EPHA5: variants seen among roughly 807,000 people sequenced by gnomAD.
EPHA5 encodes EPH receptor A5, also known as ephrin type-A receptor 5.
A neutral mutation model predicts 105.0 loss-of-function variants in EPHA5; 60 were observed. The observed-to-expected ratio is 0.57, with a 90% CI of 0.46 to 0.71. The LOEUF is 0.71. Ranked by LOEUF, EPHA5 falls within the 30% of genes least tolerant of loss-of-function variation. EPHA5 has a pLI of 0.00. For missense variants in EPHA5, 1,218 were observed against 1,274.7 expected, an observed-to-expected ratio of 0.96 and a Z score of 0.68; for synonymous variants, 513 against 449.1, an observed-to-expected ratio of 1.14 and a Z score of -1.80.
intron 8 of EPHA5, among the ~76,000 whole-genome samples, chr4:65,389,356 T>C (rs1364241025): frequency 6.6e-6 from 1 of 152,076 alleles, no homozygotes; most frequent in Non-Finnish European, 1.5e-5. Context: ...AAAAAGTACT[T>C]GACTTCATCT....
At position 65,323,437 on chromosome 4, in the gene EPHA5, C is replaced by T. The variant is rs1042984645; in HGVS notation, c.*677G>A. ...GTTCCTGGGTATATTGCAAATTATACAGTATATACACATTTATTACCTAAT... is the reference window on the plus strand; with the variant it reads ...GTTCCTGGGTATATTGCAAATTATATAGTATATACACATTTATTACCTAAT... On this transcript the variant is annotated 3_prime_UTR_variant, in exon 17 of 17. Transcript: ENST00000613740. 1.7e-4 allele frequency: 39 copies of T among 229,968 alleles called. No homozygotes were observed. Among genetic ancestry groups the T allele is most frequent in the Non-Finnish European group, 3.2e-4 (37 of 115,952 alleles). The allele number at this position is 229,968 out of a possible 1,614,324, so 14.2% of individuals were successfully genotyped here. A position where few individuals can be genotyped will look rare whatever the true frequency, so the allele number is the denominator to read the frequency against.
chr4:65,586,974 G>T (rs935865719), intron 3 of EPHA5, among the ~76,000 whole-genome samples: 4 of 152,094 alleles, frequency 2.6e-5, no homozygotes, highest in Non-Finnish European at 5.9e-5. Flanking sequence ...CATCAGAGAA[G>T]TAGCAATTAT....
intron 5 of EPHA5, among the ~76,000 whole-genome samples, chr4:65,451,336 G>C (rs1415563030): frequency 6.6e-6 from 1 of 151,786 alleles, no homozygotes; most frequent in Non-Finnish European, 1.5e-5. Context: ...AAATTGTTTT[G>C]GATTGAATAT....
At chr4:65,496,399 G>A (rs1205033100) in intron 3 of EPHA5, among the ~76,000 whole-genome samples, 1 of 122,148 alleles carries the variant, frequency 8.2e-6, no homozygotes, top group African/African-American at 3.2e-5. Context: ...CCCACCACAG[G>A]CCCCAGAGTG....
intron 2 of EPHA5, among the ~76,000 whole-genome samples, chr4:65,641,262 T>TA (rs542829242): frequency 6.6e-6 from 1 of 152,306 alleles, no homozygotes; most frequent in South Asian, 2.1e-4. Context: ...ACGGAGCAAG[T>TA]AAAATGCCAC....
intron 2 of EPHA5, among the ~76,000 whole-genome samples, chr4:65,636,720 C>T (rs1420400803): frequency 6.6e-6 from 1 of 151,992 alleles, no homozygotes; most frequent in Non-Finnish European, 1.5e-5. Context: ...CTTAAGTGAC[C>T]TTGGTCAAAT....
chr4:65,541,987 G>A (rs4611974), intron 3 of EPHA5, among the ~76,000 whole-genome samples: 76,803 of 151,708 alleles, frequency 0.51, 19,735 homozygotes, highest in Non-Finnish European at 0.53. Flanking sequence ...GTTCCTAAAT[G>A]ACTCCTGGGT....
Position 65,599,842 on chromosome 4 carries a change from C to A in EPHA5, c.910+1799G>T, listed in dbSNP as rs571306240. On this transcript the variant is annotated intron_variant, in intron 3 of 16. Coordinates refer to ENST00000613740, the MANE Select transcript of EPHA5 (RefSeq NM_001281766.3). Reference sequence around the variant, plus strand: ...TATGCTAACACTTGCACTAAGACTGCATTGCATTCTGTCAGAACGCTGCCT... The same window carrying A: ...TATGCTAACACTTGCACTAAGACTGAATTGCATTCTGTCAGAACGCTGCCT... 3.1e-4 allele frequency among the ~76,000 whole-genome samples: 47 copies of A among 152,288 alleles called. No individual in the cohort carries two copies. The Middle Eastern group carries it at 0.01, about 33-fold the overall frequency.
At chr4:65,632,610 T>C (rs1578638485) in intron 2 of EPHA5, among the ~76,000 whole-genome samples, 1 of 151,884 alleles carries the variant, frequency 6.6e-6, no homozygotes, top group East Asian at 1.9e-4. Flanking sequence ...AATACCTGAT[T>C]ATCAATCAGT....
At chr4:65,551,367 T>C (rs554604234) in intron 3 of EPHA5, among the ~76,000 whole-genome samples, 2 of 151,844 alleles carry the variant, frequency 1.3e-5, no homozygotes, top group Admixed American at 1.3e-4. Context: ...TCAGTTTTCA[T>C]AATTACCCTA....
chr4:65,584,092 C>CA (rs1374222350), intron 3 of EPHA5, among the ~76,000 whole-genome samples: 3 of 151,612 alleles, frequency 2.0e-5, no homozygotes, highest in African/African-American at 7.2e-5. Context: ...TAAATCTCTT[C>CA]AATTTATATC....
intron 1 of EPHA5, among the ~76,000 whole-genome samples, chr4:65,657,526 A>G (rs1486181574): frequency 6.6e-6 from 1 of 152,194 alleles, no homozygotes; most frequent in Non-Finnish European, 1.5e-5. Context: ...TCTAAAATAC[A>G]GTATTCTACT....
intron 3 of EPHA5, among the ~76,000 whole-genome samples, chr4:65,588,734 A>G (rs373819343): frequency 4.9e-4 from 75 of 152,272 alleles, no homozygotes; most frequent in African/African-American, 1.8e-3. Flanking sequence ...GAAAATGTGC[A>G]CACTTGCACT....
At chr4:65,356,553 TA>T (rs1268216531) in intron 11 of EPHA5, among the ~76,000 whole-genome samples, 3 of 151,544 alleles carry the variant, frequency 2.0e-5, no homozygotes, top group African/African-American at 7.3e-5. Context: ...CATCTAATTT[TA>T]AAAGCCAGAT....
At chr4:65,347,757 T>C (rs1354769893) in intron 14 of EPHA5, among the ~76,000 whole-genome samples, 1 of 152,138 alleles carries the variant, frequency 6.6e-6, no homozygotes, top group East Asian at 1.9e-4. Context: ...TGATGGCTCT[T>C]TCTTTATCTT....
rs1742089092 is a variant in EPHA5, at chr4:65,586,034, GAAAT to G, written c.910+15603_910+15606del. The stretch of plus-strand genomic sequence containing the variant: ...TAGGAGAAAAGGAAAATGAGGGAAA[GAAAT>G]AAGGAAGAGGAAGAGAGAGAGTACA... On this transcript the variant is annotated intron_variant, in intron 3 of 16. Transcript: ENST00000613740. Among the ~76,000 whole-genome samples, 6 of 151,566 alleles carry G rather than the reference GAAAT, an allele frequency of 4.0e-5. No individual in the cohort carries two copies. In the South Asian group the frequency reaches 1.2e-3, roughly 31 times the overall value.
chr4:65,475,736 G>A (rs533920992), intron 5 of EPHA5, among the ~76,000 whole-genome samples: 10 of 152,142 alleles, frequency 6.6e-5, no homozygotes, highest in Non-Finnish European at 4.4e-5. Flanking sequence ...CCACACGAAT[G>A]TTTGATGAAT....
intron 3 of EPHA5, among the ~76,000 whole-genome samples, chr4:65,568,551 T>C (rs977297020): frequency 6.6e-6 from 1 of 151,216 alleles, no homozygotes. Flanking sequence ...CCCTTTTTTT[T>C]AAACATGTAA....
intron 2 of EPHA5, among the ~76,000 whole-genome samples, chr4:65,602,758 T>C (rs1335992081): frequency 2.0e-5 from 3 of 151,960 alleles, no homozygotes; most frequent in African/African-American, 7.2e-5. Context: ...GGATCGCAAA[T>C]TTGAAAAAGA....
Sources: allele counts gnomAD v4.1 joint callset (sites outside exome capture counted in the v4.1 genomes callset), GRCh38; gene constraint gnomAD v4.1.1; transcripts MANE v1.5; gene names NCBI Gene and HGNC (gene_info 2026-07-23, HGNC 2026-07-21).